The following EZH2 variants were observed in gnomAD, a reference collection of about 807,000 sequenced individuals.
EZH2 encodes enhancer of zeste 2 polycomb repressive complex 2 subunit, also known as histone-lysine N-methyltransferase EZH2.
Under a neutral mutation model 98.4 loss-of-function variants are expected in EZH2, and 18 were observed. The ratio of observed to expected loss-of-function variants is 0.18; its 90% confidence interval spans 0.13 to 0.27. EZH2 has a LOEUF of 0.27. Ranked by LOEUF, EZH2 falls within the 10% of genes least tolerant of loss-of-function variation. EZH2 has a pLI of 1.00. For missense variants in EZH2, 470 were observed against 935.1 expected (o/e 0.50, Z 6.49); for synonymous variants, 338 against 312.3 (o/e 1.08, Z -0.87).
intron 1 of EZH2, among the ~76,000 whole-genome samples, chr7:148,869,508 G>A (rs1050335650): frequency 7.9e-5 from 12 of 152,068 alleles, no homozygotes; most frequent in African/African-American, 2.7e-4. Context: ...ACCACATGTG[G>A]CTAATTTTTT....
rs1819196175 is a variant in EZH2, at chr7:148,870,500, T to C, written c.-8+13664A>G. On this transcript the variant is annotated intron_variant, in intron 1 of 19. Coordinates refer to ENST00000320356, the MANE Select transcript of EZH2 (RefSeq NM_004456.5). ...GGAGATCACTTGATCCTAGGAGTTC[T>C]AGACCAGCCGGGGCAACATGGCGAA... Among the ~76,000 whole-genome samples the C allele has an allele frequency of 6.6e-5, 10 of 152,072 alleles. No individual in the cohort carries two copies. The South Asian group carries it at 1.9e-3, about 28-fold the overall frequency.
At position 148,820,872 on chromosome 7, in the gene EZH2, C is replaced by T. The variant is rs925408311; in HGVS notation, c.908-1185G>A. The T allele has an allele frequency of 2.0e-5, 3 of 152,264 alleles. No individual in the cohort carries two copies. The East Asian group carries it at 5.8e-4, about 29-fold the overall frequency. 9.4% of individuals were successfully genotyped at this position (152,264 alleles called of 1,614,324 possible). On this transcript the variant is annotated intron_variant, in intron 8 of 19. Transcript: ENST00000320356. ...CGAACATTAGAGAACACATAAACTT[C>T]ATACAAATAAATCTCAAAACCTGGA...
At chr7:148,880,882 G>C (rs931424549) in intron 1 of EZH2, among the ~76,000 whole-genome samples, 3 of 152,184 alleles carry the variant, frequency 2.0e-5, no homozygotes, top group African/African-American at 7.2e-5. Context: ...TGACTGTAGG[G>C]AAGAGAGGGA....
intron 3 of EZH2, among the ~76,000 whole-genome samples, chr7:148,833,456 CAAAAA>C (rs770977896): frequency 7.8e-5 from 6 of 77,404 alleles, no homozygotes; most frequent in African/African-American, 1.5e-4. Flanking sequence ...AACTCCGTCT[CAAAAA>C]AAAAAAAAAT....
chr7:148,808,062 A>G (rs1335304335), intron 19 of EZH2, among the ~76,000 whole-genome samples: 1 of 152,200 alleles, frequency 6.6e-6, no homozygotes, highest in East Asian at 1.9e-4. Flanking sequence ...GGAAGGCAAA[A>G]TAGAACCATG....
intron 6 of EZH2, 31 bp downstream of exon 6, chr7:148,828,709 G>A: frequency 1.2e-6 from 2 of 1,603,346 alleles, no homozygotes; most frequent in Non-Finnish European, 1.7e-6. Context: ...AAGCTGTAAT[G>A]GCTACACAGA....
At chr7:148,826,944 TTA>T (rs1192573632) in intron 7 of EZH2, among the ~76,000 whole-genome samples, 1 of 152,220 alleles carries the variant, frequency 6.6e-6, no homozygotes, top group African/African-American at 2.4e-5. Context: ...ATGTGTGTGT[TTA>T]TGTGTATATA....
intron 1 of EZH2, among the ~76,000 whole-genome samples, chr7:148,854,844 T>C (rs1203267308): frequency 6.6e-6 from 1 of 152,254 alleles, no homozygotes; most frequent in Non-Finnish European, 1.5e-5. Context: ...TTACAATCCA[T>C]TGTTTCAATA....
At position 148,807,724 on chromosome 7, in the gene EZH2, A is replaced by AGAT. The variant is rs1801840331; in HGVS notation, c.2196-21_2196-19dup. 6.4e-7 allele frequency: 1 copy of AGAT among 1,567,318 alleles called. No individual in the cohort carries two copies. The highest frequency in any genetic ancestry group is 8.7e-7 in the Non-Finnish European group (1 of 1,154,726). On this transcript the variant is annotated intron_variant, in intron 19 of 19. Coordinates refer to ENST00000320356, the MANE Select transcript of EZH2 (RefSeq NM_004456.5). ...GGCTGTATCTGAAACAACAGGAAGG[A>AGAT]GATGTCCGCTGGATGGCCACCCATC...
chr7:148,840,973 T>A (rs1419071506), intron 3 of EZH2, among the ~76,000 whole-genome samples: 1 of 152,140 alleles, frequency 6.6e-6, no homozygotes, highest in East Asian at 1.9e-4. Context: ...ATAACAATAA[T>A]TTATAAAACA....
At chr7:148,820,869 C>T (rs1805862638) in intron 8 of EZH2, 1 of 152,098 alleles carries the variant, frequency 6.6e-6, no homozygotes, top group Non-Finnish European at 1.5e-5. Flanking sequence ...AACACATAAA[C>T]TTCATACAAA....
Position 148,817,265 on chromosome 7 carries a change from A to G in EZH2, c.1367T>C (p.Phe456Ser). 3.1e-6 allele frequency: 5 copies of G among 1,614,068 alleles called. No individual in the cohort carries two copies. Among genetic ancestry groups the G allele is most frequent in the Non-Finnish European group, 4.2e-6 (5 of 1,180,006 alleles). ...CCCAATTAACCTAGCAATGGCACAG[A>G]AATTGTCATAGTAAGTGCCAATGAG... ...RVLIGTYYDN[F>S]CAIARLIGTK... The change falls in exon 11 of 20, where the codon TTC becomes TCC. Residue 456 changes from phenylalanine (F) to serine (S), a missense_variant. Physicochemically the swap from Phe to Ser is radical, Grantham distance 155 (BLOSUM62 -2). Around this residue, in one of 6 missense-constraint regions of EZH2, gnomAD observed 192 missense variants for 306.8 expected, o/e 0.63. Coordinates refer to ENST00000320356, the MANE Select transcript of EZH2 (RefSeq NM_004456.5).
intron 16 of EZH2, among the ~76,000 whole-genome samples, chr7:148,811,352 T>G (rs1030853751): frequency 9.9e-5 from 15 of 152,142 alleles, no homozygotes; most frequent in African/African-American, 3.6e-4. Flanking sequence ...GGTCTTGCCA[T>G]GTTGCCCATG....
chr7:148,857,770 T>G (rs994621087), intron 1 of EZH2, among the ~76,000 whole-genome samples: 1 of 151,738 alleles, frequency 6.6e-6, no homozygotes, highest in East Asian at 1.9e-4. Context: ...AATAAATAAA[T>G]AAATAATTAA....
At chr7:148,834,337 T>TTATATATATATA (rs746918834) in intron 3 of EZH2, among the ~76,000 whole-genome samples, 88 of 142,766 alleles carry the variant, frequency 6.2e-4, no homozygotes, top group African/African-American at 2.3e-3. Context: ...TGAAAAATCA[T>TTATATATATATA]TATATATATA....
At chr7:148,879,328 A>G (rs1358021274) in intron 1 of EZH2, among the ~76,000 whole-genome samples, 2 of 152,212 alleles carry the variant, frequency 1.3e-5, no homozygotes, top group Non-Finnish European at 2.9e-5. Flanking sequence ...AGGCAGGTCA[A>G]TCACTTGAGG....
At chr7:148,825,585 T>TTATC (rs1314448306) in intron 8 of EZH2, among the ~76,000 whole-genome samples, 1 of 152,140 alleles carries the variant, frequency 6.6e-6, no homozygotes, top group Non-Finnish European at 1.5e-5. Context: ...TAAAAAGACG[T>TTATC]TATCATTGGT....
chr7:148,855,049 A>G (rs2129487137), intron 1 of EZH2, among the ~76,000 whole-genome samples: 1 of 152,376 alleles, frequency 6.6e-6, no homozygotes, highest in African/African-American at 2.4e-5. Flanking sequence ...TGAGAGAGGA[A>G]TCCAGGAGAA....
chr7:148,879,744 C>T (rs989444041), intron 1 of EZH2, among the ~76,000 whole-genome samples: 6 of 151,890 alleles, frequency 4.0e-5, no homozygotes, highest in Non-Finnish European at 8.8e-5. Context: ...TGGTGGCGCA[C>T]GCTTGTAGTC....
Sources: allele counts gnomAD v4.1 joint callset (sites outside exome capture counted in the v4.1 genomes callset), GRCh38; gene constraint gnomAD v4.1.1; regional missense constraint gnomAD v4.1.1; transcripts MANE v1.5; gene names NCBI Gene and HGNC (gene_info 2026-07-23, HGNC 2026-07-21).